Variants in FAM53A observed in about 807,000 individuals in gnomAD.
FAM53A encodes protein FAM53A.
FAM53A carries 28 observed loss-of-function variants against 26.6 expected under a neutral mutation model. The ratio of observed to expected loss-of-function variants is 1.05; its 90% CI spans 0.78 to 1.45. The LOEUF (loss-of-function observed/expected upper bound fraction) is 1.45. FAM53A is among the 40% of genes most tolerant of loss of function. The pLI, the probability that FAM53A is intolerant of heterozygous loss-of-function variation, is 0.00. For missense variants in FAM53A, 650 were observed against 575.8 expected (o/e 1.13, Z -1.32); for synonymous variants, 290 against 253.1 (o/e 1.15, Z -1.38).
At chr4:1,587,010 A>G in the FAM53A span, among the ~76,000 whole-genome samples, 2 of 152,176 alleles carry the variant, frequency 1.3e-5, no homozygotes, top group Non-Finnish European at 2.9e-5. Context: ...GTGACTTTTT[A>G]CAACCCGTTG....
chr4:1,612,534 ACACCCACACGGACCTG>A, the FAM53A span, among the ~76,000 whole-genome samples: 1 of 152,154 alleles, frequency 6.6e-6, no homozygotes, highest in African/African-American at 2.4e-5. Flanking sequence ...ACACATGTAC[ACACCCACACGGACCTG>A]CACCCACACA....
At chr4:1,620,583 G>C (rs1714985758) in intron 1 of FAM53A, among the ~76,000 whole-genome samples, 1 of 151,936 alleles carries the variant, frequency 6.6e-6, no homozygotes, top group Non-Finnish European at 1.5e-5. Flanking sequence ...CTACTTGGGA[G>C]GCTGAACCCA....
chr4:1,622,325 C>T (rs1715077819), intron 1 of FAM53A, among the ~76,000 whole-genome samples: 1 of 152,224 alleles, frequency 6.6e-6, no homozygotes. Flanking sequence ...GCGGCTGCTT[C>T]CCTAGGAGTC....
At chr4:1,613,571 C>T (rs1304184653), downstream of FAM53A, among the ~76,000 whole-genome samples, 1 of 151,892 alleles carries the variant, frequency 6.6e-6, no homozygotes, top group African/African-American at 2.4e-5. Context: ...AAGAAAGTCC[C>T]GGGCAGGCCT....
the FAM53A span, among the ~76,000 whole-genome samples, chr4:1,576,727 G>C: frequency 9.9e-5 from 15 of 152,242 alleles, 1 homozygote; most frequent in Middle Eastern, 6.3e-3. Flanking sequence ...CCCCGGCTGG[G>C]GCCAGGGTCC....
At chr4:1,644,274 C>T (rs1276828973) in intron 4 of FAM53A, 16 of 1,535,890 alleles carry the variant, frequency 1.0e-5, no homozygotes, top group African/African-American at 1.4e-5. Flanking sequence ...TGCTCGGACC[C>T]GACAGATGCT....
At chr4:1,672,062 TGGACCCACAGACCCA>T (rs1714702212) in intron 1 of FAM53A, among the ~76,000 whole-genome samples, 1 of 150,068 alleles carries the variant, frequency 6.7e-6, no homozygotes. Flanking sequence ...CAGGAACCCA[TGGACCCACAGACCCA>T]GAACCCACGA....
At chr4:1,644,406 A>T (rs1259884329) in intron 4 of FAM53A, 1 of 1,513,208 alleles carries the variant, frequency 6.6e-7, no homozygotes, top group African/African-American at 1.4e-5. Context: ...AGGAGAAAAA[A>T]CTTCTGCCCA....
chr4:1,615,178 C>T (rs7677675), downstream of FAM53A, among the ~76,000 whole-genome samples: 4 of 150,676 alleles, frequency 2.7e-5, no homozygotes, highest in Admixed American at 6.6e-5. Context: ...GATGCGGCTA[C>T]GCCCACCCTA....
intron 1 of FAM53A, among the ~76,000 whole-genome samples, chr4:1,626,380 C>A (rs1253100617): frequency 6.6e-6 from 1 of 152,260 alleles, no homozygotes; most frequent in Non-Finnish European, 1.5e-5. Context: ...GAGCCCGACG[C>A]AGACCAGAGG....
rs1157881729 is a variant in FAM53A at position 1,642,730 on chromosome 4, A to C, written c.883-1123T>G. Among the ~76,000 whole-genome samples, 3 of 125,704 alleles carry C rather than the reference A, an allele frequency of 2.4e-5. No individual in the cohort carries two copies. The Admixed American group carries it at 2.9e-4, about 12-fold the overall frequency. 82.5% of individuals were successfully genotyped at this position (125,704 alleles called of 152,430 possible). A position where few individuals can be genotyped will look rare whatever the true frequency, so the allele number is the denominator to read the frequency against. On this transcript the variant is annotated intron_variant, in intron 4 of 4. Transcript: ENST00000308132. ...CCGTCTGTGGTGCCCAGCGCCGTCC[A>C]TGCCACTCGTCCACTGCCACTGGGA...
At position 1,655,125 on chromosome 4, in the gene FAM53A, G is replaced by A. The variant is rs1713213394; in HGVS notation, c.735C>T (p.Ser245=). 6 of 1,595,140 alleles carry A rather than the reference G, an allele frequency of 3.8e-6. No individual in the cohort carries two copies. The highest frequency in any genetic ancestry group is 5.1e-6 in the Non-Finnish European group (6 of 1,171,484). Reference sequence around the variant, plus strand: ...CACGGCGCCCGCCCAGCGCAGGCGTGGACGTGGGGCTGCTGCTGGCCCAGG... The same window carrying A: ...CACGGCGCCCGCCCAGCGCAGGCGTAGACGTGGGGCTGCTGCTGGCCCAGG... The part of the protein sequence containing the change: ...PLPWASSSPT[S]TPALGGRRGL... The change falls in exon 4 of 5, where the codon TCC becomes TCT. Residue 245 remains serine (S), a synonymous_variant. Coordinates refer to ENST00000308132, the MANE Select transcript of FAM53A (RefSeq NM_001174070.3).
chr4:1,682,419 C>T (rs1715508096), intron 1 of FAM53A, among the ~76,000 whole-genome samples: 2 of 151,976 alleles, frequency 1.3e-5, no homozygotes, highest in Admixed American at 6.6e-5. Flanking sequence ...CGCACCACCA[C>T]ACCCAGTTAA....
downstream of FAM53A, among the ~76,000 whole-genome samples, chr4:1,638,035 C>T (rs1715924400): frequency 6.6e-6 from 1 of 151,968 alleles, no homozygotes; most frequent in African/African-American, 2.4e-5. Flanking sequence ...GAGCAGCCCC[C>T]ACCCCACCAG....
the FAM53A span, among the ~76,000 whole-genome samples, chr4:1,612,040 C>T: frequency 1.3e-5 from 2 of 152,154 alleles, no homozygotes; most frequent in African/African-American, 4.8e-5. Flanking sequence ...TCTCTGTTTG[C>T]CTAAATGAGT....
At chr4:1,631,256 C>G (rs1366701085) in intron 1 of FAM53A, among the ~76,000 whole-genome samples, 1 of 152,164 alleles carries the variant, frequency 6.6e-6, no homozygotes, top group African/African-American at 2.4e-5. Context: ...GCCCCGGGAG[C>G]TGCAATAGCA....
At chr4:1,636,478 G>T (rs376752372), downstream of FAM53A, among the ~76,000 whole-genome samples, 7 of 152,208 alleles carry the variant, frequency 4.6e-5, no homozygotes, top group Non-Finnish European at 7.3e-5. Context: ...GTGTTGCCCC[G>T]TTCACGGGAG....
At chr4:1,576,036 T>C in the FAM53A span, among the ~76,000 whole-genome samples, 1 of 152,190 alleles carries the variant, frequency 6.6e-6, no homozygotes. Flanking sequence ...CATCTGCAGC[T>C]GGGCCTATGC....
the FAM53A span, among the ~76,000 whole-genome samples, chr4:1,597,380 C>T: frequency 8.5e-5 from 13 of 152,276 alleles, 1 homozygote; most frequent in South Asian, 1.0e-3. Context: ...CGTGCCCCCA[C>T]GTCTACCCCC....
Sources: allele counts gnomAD v4.1 joint callset (sites outside exome capture counted in the v4.1 genomes callset), GRCh38; gene constraint gnomAD v4.1.1; transcripts MANE v1.5; gene names NCBI Gene and HGNC (gene_info 2026-07-23, HGNC 2026-07-21).